The following ADGRB1 variants were observed in gnomAD, a reference collection of about 807,000 sequenced individuals.
The protein encoded by ADGRB1 is brain-specific angiogenesis inhibitor 1.
ADGRB1 carries 36 observed loss-of-function variants against 175.7 expected under a neutral mutation model. The ratio of observed to expected loss-of-function variants is 0.20; its 90% CI spans 0.16 to 0.27. ADGRB1 has a LOEUF of 0.27. Ranked by LOEUF, ADGRB1 falls within the 10% of genes least tolerant of loss-of-function variation. The pLI is 1.00. For missense variants in ADGRB1, 1,731 were observed against 2,255.3 expected (o/e 0.77, Z 4.71); for synonymous variants, 1,054 against 979.4 (o/e 1.08, Z -1.42).
intron 2 of ADGRB1, among the ~76,000 whole-genome samples, chr8:142,469,769 G>A (rs1391000629): frequency 1.3e-5 from 2 of 151,480 alleles, no homozygotes; most frequent in Non-Finnish European, 2.9e-5. Context: ...GAATGTATGT[G>A]TGTATGTCTC....
intron 17 of ADGRB1, among the ~76,000 whole-genome samples, chr8:142,503,271 G>A (rs4977037): frequency 0.035 from 5,250 of 152,134 alleles, 492 homozygotes; most frequent in East Asian, 0.25. Context: ...CCGAGGTCAT[G>A]GCGGTCTGGG....
chr8:142,474,904 G>T lies in ADGRB1; in HGVS notation c.785-570G>T, dbSNP rs537060525. On this transcript the variant is annotated intron_variant, in intron 2 of 30. Coordinates refer to ENST00000517894, the MANE Select transcript of ADGRB1 (RefSeq NM_001702.3). This position sits in a 1 kb window ranked among gnomAD's most constrained non-coding sequence, Gnocchi z 5.8. ...GCTGTGCCCTGGGTTCGAGGCCCTG[G>T]TTGGACACCAGGTGTGAGGCCTTGA... 6.6e-6 allele frequency among the ~76,000 whole-genome samples: 1 copy of T among 152,176 alleles called. No homozygotes were observed. Among genetic ancestry groups the T allele is most frequent in the Non-Finnish European group, 1.5e-5 (1 of 68,010 alleles).
At chr8:142,529,729 C>A (rs1844488893) in intron 24 of ADGRB1, among the ~76,000 whole-genome samples, 1 of 147,522 alleles carries the variant, frequency 6.8e-6, no homozygotes, top group Non-Finnish European at 1.5e-5. Flanking sequence ...TGTGTGAGTG[C>A]AACCCAGTGT....
intron 14 of ADGRB1, 61 bp from the exon 15 acceptor site, chr8:142,488,974 G>A: frequency 1.3e-6 from 2 of 1,569,908 alleles, no homozygotes; most frequent in South Asian, 2.3e-5. Context: ...AGGCCAGGCT[G>A]CCAAGTCCCA....
chr8:142,484,468 G>A (rs933015067), intron 12 of ADGRB1, among the ~76,000 whole-genome samples, 188 bp from the exon 13 acceptor site: 1 of 152,232 alleles, frequency 6.6e-6, no homozygotes, highest in African/African-American at 2.4e-5. Flanking sequence ...CCATGGGTGG[G>A]GCACAGCAGC....
rs1025138165 is a variant in ADGRB1 at position 142,521,907 on chromosome 8, G to T, written c.3025-58G>T. The T allele has an allele frequency of 1.9e-5, 29 of 1,530,508 alleles. No homozygotes were observed. In the African/African-American group the frequency reaches 3.7e-4, roughly 20 times the overall value. 94.8% of individuals were successfully genotyped at this position (1,530,508 alleles called of 1,614,324 possible). A position where few individuals can be genotyped will look rare whatever the true frequency, so the allele number is the denominator to read the frequency against. On this transcript the variant is annotated intron_variant, in intron 20 of 30. Coordinates refer to ENST00000517894, the MANE Select transcript of ADGRB1 (RefSeq NM_001702.3). ...CAGCTGCAGACAGGCACTCAGTGGG[G>T]ACAGGTGTGGGGCCGGGGAGCACCT...
rs180800852 is a variant in ADGRB1 at position 142,469,451 on chromosome 8, G to A, written c.784+4469G>A. 4.7e-3 allele frequency among the ~76,000 whole-genome samples: 708 copies of A among 150,320 alleles called. 1 individual carries two copies. Among genetic ancestry groups the A allele is most frequent in the East Asian group, 0.036 (181 of 5,042 alleles). Reference sequence around the variant, plus strand: ...CGTGTGAATGAGTGTGTGCACGTGCGTGAATGTGTGTATGCACGTGCATGT... The same window carrying A: ...CGTGTGAATGAGTGTGTGCACGTGCATGAATGTGTGTATGCACGTGCATGT... On this transcript the variant is annotated intron_variant, in intron 2 of 30. Coordinates refer to ENST00000517894, the MANE Select transcript of ADGRB1 (RefSeq NM_001702.3).
chr8:142,489,870 C>T (rs113493399), intron 16 of ADGRB1, among the ~76,000 whole-genome samples: 4,246 of 152,292 alleles, frequency 0.028, 214 homozygotes, highest in African/African-American at 0.096. Context: ...AGCACGGGAG[C>T]GTCCCCCCAG....
At chr8:142,534,817 G>A (rs1233689613) in intron 25 of ADGRB1, among the ~76,000 whole-genome samples, 3 of 152,184 alleles carry the variant, frequency 2.0e-5, no homozygotes, top group Non-Finnish European at 2.9e-5. Context: ...CCTGGTGCAC[G>A]CCACATGGGC....
chr8:142,465,398 A>C (rs1169053884), intron 2 of ADGRB1, among the ~76,000 whole-genome samples: 1 of 152,174 alleles, frequency 6.6e-6, no homozygotes, highest in Non-Finnish European at 1.5e-5. Context: ...CAGAGGCTGC[A>C]GCGGCCTGGG....
intron 1 of ADGRB1, among the ~76,000 whole-genome samples, chr8:142,454,504 G>A (rs1422225079): frequency 6.6e-6 from 1 of 152,200 alleles, no homozygotes; most frequent in Non-Finnish European, 1.5e-5. Flanking sequence ...AGGGGAAGGA[G>A]CGGAGGTTCA....
intron 13 of ADGRB1, among the ~76,000 whole-genome samples, chr8:142,487,315 T>G (rs1841718193): frequency 6.6e-6 from 1 of 152,100 alleles, no homozygotes; most frequent in Admixed American, 6.5e-5. Context: ...CAGCAGCCCC[T>G]TGCCCCTGCA....
chr8:142,491,952 G>A (rs180796925), intron 17 of ADGRB1, among the ~76,000 whole-genome samples: 124 of 152,238 alleles, frequency 8.1e-4, no homozygotes, highest in African/African-American at 2.8e-3. Context: ...CTGAGGGCAT[G>A]AGGAGCAGGG....
intron 2 of ADGRB1, among the ~76,000 whole-genome samples, chr8:142,473,275 G>A (rs566521927): frequency 1.3e-5 from 2 of 152,282 alleles, no homozygotes; most frequent in South Asian, 2.1e-4. Context: ...GCCGCAGGAC[G>A]TGCCACCCTG....
At chr8:142,490,844 G>A (rs1255529621) in intron 17 of ADGRB1, 29 bp downstream of exon 17, 1 of 1,563,874 alleles carries the variant, frequency 6.4e-7, no homozygotes, top group East Asian at 2.4e-5. Context: ...CATGGCCGTG[G>A]GGGTCTGGGG....
rs1286746984 is a variant in ADGRB1, at chr8:142,471,505, C to CA, written c.785-3968dup. On this transcript the variant is annotated intron_variant, in intron 2 of 30. Coordinates refer to ENST00000517894, the MANE Select transcript of ADGRB1 (RefSeq NM_001702.3). ...AGGGCACCATTCTCAGGCCAAGGAG[C>CA]ACCTGCCTGATCAAGAAAAGGAAGC... 2.6e-5 allele frequency among the ~76,000 whole-genome samples: 4 copies of CA among 152,246 alleles called. No homozygotes were observed. In the East Asian group the frequency reaches 7.7e-4, roughly 29 times the overall value.
intron 7 of ADGRB1, among the ~76,000 whole-genome samples, chr8:142,478,741 G>A (rs573022363): frequency 4.8e-5 from 7 of 144,368 alleles, no homozygotes; most frequent in Admixed American, 2.1e-4. Flanking sequence ...ATGGGGTAGC[G>A]GGGTGCACAG....
At chr8:142,473,660 C>T (rs1384585674) in intron 2 of ADGRB1, among the ~76,000 whole-genome samples, 1 of 152,244 alleles carries the variant, frequency 6.6e-6, no homozygotes, top group Non-Finnish European at 1.5e-5. Flanking sequence ...CTGCTGTGCA[C>T]CCTCAGCCAG....
intron 1 of ADGRB1, among the ~76,000 whole-genome samples, chr8:142,451,237 T>A (rs1208609628): frequency 6.6e-6 from 1 of 152,088 alleles, no homozygotes; most frequent in African/African-American, 2.4e-5. Context: ...CCCGCGTCCC[T>A]CCTCCTGGCC....
Sources: gnomAD v4.1 joint callset for allele counts (sites outside exome capture counted in the v4.1 genomes callset) on GRCh38, gnomAD v4.1.1 for gene constraint, Gnocchi (gnomAD v3.1) non-coding constraint, MANE v1.5 for transcripts, NCBI Gene and HGNC (gene_info 2026-07-23, HGNC 2026-07-21) for gene names.